Variants in PDZD2 observed in about 807,000 individuals in gnomAD.
The protein encoded by PDZD2 is PDZ domain containing 2.
In PDZD2, 90 loss-of-function variants were observed where a neutral mutation model predicts 220.7. That is an observed-to-expected ratio of 0.41 (90% CI 0.34 to 0.49). The LOEUF (loss-of-function observed/expected upper bound fraction) is 0.49, where lower values mean the gene tolerates loss of function less well. Among genes scored for constraint, PDZD2 ranks in the 20% least tolerant of loss-of-function variants. The probability of loss-of-function intolerance (pLI) is 0.28; values close to 1 mark genes in which losing one functional copy is unlikely to be tolerated. For synonymous variants in PDZD2, 1,375 were observed against 1,450.5 expected, an observed-to-expected ratio of 0.95 and a Z score of 1.18; for missense variants, 3,174 against 3,608.5, an observed-to-expected ratio of 0.88 and a Z score of 3.08.
chr5:32,073,969 C>T lies in PDZD2; in HGVS notation c.2863C>T (p.Pro955Ser). Reference sequence around the variant, plus strand: ...CGGAAGCCCACAGGCCCTCCGAAACCCTCTCCTCCGCCAGAGGAAGGTAGG... The same window carrying T: ...CGGAAGCCCACAGGCCCTCCGAAACTCTCTCCTCCGCCAGAGGAAGGTAGG... ...LPGSPQALRNPLLRQRKVGCY... is the reference protein window; with the variant it reads ...LPGSPQALRNSLLRQRKVGCY... The change falls in exon 18 of 25, where the codon CCT becomes TCT. Residue 955 changes from proline to serine, a missense_variant. Pro to Ser is a moderately conservative substitution (Grantham distance 74). This residue lies in a region of PDZD2 where 1,861 missense variants were observed against 2,001.0 expected (regional missense o/e 0.93). Transcript: ENST00000438447. 6 of 1,614,170 alleles carry T rather than the reference C, an allele frequency of 3.7e-6. No individual in the cohort carries two copies. The South Asian group carries it at 4.4e-5, about 12-fold the overall frequency.
At chr5:31,836,889 G>A (rs1020628952) in intron 2 of PDZD2, among the ~76,000 whole-genome samples, 2 of 151,864 alleles carry the variant, frequency 1.3e-5, no homozygotes, top group East Asian at 3.9e-4. Context: ...ATGATGGTGG[G>A]TGCCTGTAAT....
intron 2 of PDZD2, among the ~76,000 whole-genome samples, chr5:31,831,372 T>C (rs1756573450): frequency 1.3e-5 from 2 of 152,040 alleles, no homozygotes; most frequent in Admixed American, 6.6e-5. Context: ...TCCCAGCACT[T>C]TGGGAGGCCG....
At chr5:31,759,460 A>G (rs1561437161) in intron 1 of PDZD2, among the ~76,000 whole-genome samples, 1 of 152,062 alleles carries the variant, frequency 6.6e-6, no homozygotes, top group African/African-American at 2.4e-5. Flanking sequence ...GTGATTCTCC[A>G]AAAGTGGGAG....
intron 2 of PDZD2, among the ~76,000 whole-genome samples, chr5:31,897,203 G>C (rs1741648940): frequency 6.6e-6 from 1 of 152,084 alleles, no homozygotes; most frequent in South Asian, 2.1e-4. Context: ...ACCTAAATCA[G>C]TGAACTAACT....
chr5:31,693,065 G>C (rs1747208814), intron 1 of PDZD2: 1 of 148,076 alleles, frequency 6.8e-6, no homozygotes, highest in Non-Finnish European at 1.5e-5. Context: ...TGAAGTCCCT[G>C]ATTGGAAGGA....
chr5:32,053,810 T>G lies in PDZD2; in HGVS notation c.1827T>G (p.Arg609=). Residue 609 remains arginine (R), a synonymous_variant, in exon 10 of 25, where the codon CGT becomes CGG. Transcript: ENST00000438447. The part of the protein sequence containing the change: ...FSIAGGRDCI[R]GQMGIFVKTI... ...TTGCTGGAGGTCGAGACTGCATTCGTGGACAGATGGGGATTTTTGTCAAGA... is the reference window on the plus strand; with the variant it reads ...TTGCTGGAGGTCGAGACTGCATTCGGGGACAGATGGGGATTTTTGTCAAGA... 6.2e-7 allele frequency: 1 copy of G among 1,613,640 alleles called. No homozygotes were observed. Among genetic ancestry groups the G allele is most frequent in the Non-Finnish European group, 8.5e-7 (1 of 1,179,540 alleles).
intron 2 of PDZD2, among the ~76,000 whole-genome samples, chr5:31,831,504 T>C (rs1472179880): frequency 1.3e-5 from 2 of 151,388 alleles, no homozygotes; most frequent in African/African-American, 2.4e-5. Flanking sequence ...ATCCCAGCAC[T>C]TTGGGAGGCC....
At chr5:31,798,444 G>C (rs1006584673) in intron 1 of PDZD2, among the ~76,000 whole-genome samples, 1 of 152,184 alleles carries the variant, frequency 6.6e-6, no homozygotes, top group African/African-American at 2.4e-5. Flanking sequence ...CAGATTTCTG[G>C]AATGGAGAGC....
intron 5 of PDZD2, among the ~76,000 whole-genome samples, chr5:32,005,472 CT>C (rs1752723432): frequency 1.3e-5 from 2 of 150,472 alleles, no homozygotes; most frequent in South Asian, 2.1e-4. Context: ...TTTTTTCACT[CT>C]TGGTTTTTAT....
intron 1 of PDZD2, among the ~76,000 whole-genome samples, chr5:31,656,779 A>G (rs978106125): frequency 2.0e-5 from 3 of 152,220 alleles, no homozygotes; most frequent in African/African-American, 7.2e-5. Context: ...AATCAGATTC[A>G]AAGTAATAAA....
Position 31,887,432 on chromosome 5 carries a change from G to A in PDZD2, c.476+87708G>A, listed in dbSNP as rs576768993. On this transcript the variant is annotated intron_variant, in intron 2 of 24. Transcript: ENST00000438447. ...GAGACCACATTCGGAGCCTGAGAGT[G>A]GTGTGCACTTTCATCCACAGGCTTA... is the stretch of plus-strand genomic sequence containing the variant. Among the ~76,000 whole-genome samples the A allele has an allele frequency of 2.5e-3, 384 of 152,218 alleles. 2 individuals carry two copies. The highest frequency in any genetic ancestry group is 4.2e-3 in the Non-Finnish European group (287 of 68,024).
At chr5:31,918,172 A>G (rs1254158357) in intron 2 of PDZD2, among the ~76,000 whole-genome samples, 1 of 152,254 alleles carries the variant, frequency 6.6e-6, no homozygotes, top group East Asian at 1.9e-4. Flanking sequence ...CAAGGGGGAG[A>G]TCCACCCCCA....
intron 1 of PDZD2, among the ~76,000 whole-genome samples, chr5:31,686,024 C>A (rs1233660364): frequency 1.3e-5 from 2 of 151,878 alleles, no homozygotes; most frequent in African/African-American, 2.4e-5. Flanking sequence ...ATGGTGAAAC[C>A]CTGTCTCTAA....
rs183247923 is a variant in PDZD2 at position 31,813,189 on chromosome 5, G to A, written c.476+13465G>A. Among the ~76,000 whole-genome samples the A allele has an allele frequency of 4.3e-3, 649 of 152,208 alleles. 6 individuals are homozygous for A. Among genetic ancestry groups the A allele is most frequent in the African/African-American group, 0.015 (612 of 41,542 alleles). ...TTCACGGCCAGGTGCGGTGGCTCACGCCTGTAATGCCAGCACTTTGGGAGG... is the reference window on the plus strand; with the variant it reads ...TTCACGGCCAGGTGCGGTGGCTCACACCTGTAATGCCAGCACTTTGGGAGG... On this transcript the variant is annotated intron_variant, in intron 2 of 24. Coordinates refer to ENST00000438447, the MANE Select transcript of PDZD2 (RefSeq NM_178140.4).
At chr5:31,690,170 T>C (rs1029613653) in intron 1 of PDZD2, among the ~76,000 whole-genome samples, 12 of 152,118 alleles carry the variant, frequency 7.9e-5, no homozygotes, top group Admixed American at 5.9e-4. Flanking sequence ...AAGTGCTTTT[T>C]GGTCTTCTAC....
intron 1 of PDZD2, among the ~76,000 whole-genome samples, chr5:31,789,942 T>G (rs1753604853): frequency 6.6e-6 from 1 of 152,038 alleles, no homozygotes; most frequent in South Asian, 2.1e-4. Context: ...AAAATTCCAT[T>G]TATAAAAGAA....
intron 5 of PDZD2, among the ~76,000 whole-genome samples, chr5:32,006,907 CTTTTTTTTTTTTTTTT>C (rs1173189592): frequency 2.1e-5 from 1 of 47,844 alleles, no homozygotes; most frequent in African/African-American, 1.0e-4. Flanking sequence ...CCATGCTGGT[CTTTTTTTTTTTTTTTT>C]TTTTTTTTTT....
intron 1 of PDZD2, among the ~76,000 whole-genome samples, chr5:31,737,354 A>T (rs555521763): frequency 2.7e-5 from 4 of 147,840 alleles, no homozygotes; most frequent in Admixed American, 2.7e-4. Context: ...TTGTATTTTT[A>T]GTAGAGATGG....
intron 2 of PDZD2, among the ~76,000 whole-genome samples, chr5:31,940,513 T>C (rs1561139644): frequency 6.6e-6 from 1 of 152,162 alleles, no homozygotes; most frequent in South Asian, 2.1e-4. Context: ...CCCAACTATA[T>C]TTTACATGCA....
Sources: gnomAD v4.1 joint callset for allele counts (sites outside exome capture counted in the v4.1 genomes callset) on GRCh38, gnomAD v4.1.1 for gene constraint, gnomAD v4.1.1 regional missense constraint, MANE v1.5 for transcripts, NCBI Gene and HGNC (gene_info 2026-07-23, HGNC 2026-07-21) for gene names.